KIAA0319: variants seen among roughly 807,000 people sequenced by gnomAD.
The protein encoded by KIAA0319 is dyslexia-associated protein KIAA0319.
In KIAA0319, 83 loss-of-function variants were observed where a neutral mutation model predicts 108.4. The observed-to-expected ratio is 0.77, with a 90% CI of 0.64 to 0.92. The LOEUF is 0.92. Among genes scored for constraint, KIAA0319 ranks in the 40% least tolerant of loss-of-function variants. KIAA0319 has a pLI of 0.00. For missense variants in KIAA0319, 1,195 were observed against 1,322.4 expected (o/e 0.90, Z 1.49); for synonymous variants, 484 against 510.4 (o/e 0.95, Z 0.70).
intron 1 of KIAA0319, among the ~76,000 whole-genome samples, chr6:24,602,289 C>A (rs1006390279): frequency 1.3e-5 from 2 of 152,286 alleles, no homozygotes; most frequent in Admixed American, 1.3e-4. Context: ...CGATTACAGG[C>A]GTGAGCCATC....
Position 24,599,251 on chromosome 6 carries a change from T to C in KIAA0319, c.55+1798A>G. 2.0e-6 allele frequency: 1 copy of C among 497,718 alleles called. No homozygotes were observed. The highest frequency in any genetic ancestry group is 3.0e-5 in the Admixed American group (1 of 33,116). The allele number at this position is 497,718 out of a possible 1,614,324, so 30.8% of individuals were successfully genotyped here. On this transcript the variant is annotated intron_variant, in intron 2 of 20. Coordinates refer to ENST00000378214, the MANE Select transcript of KIAA0319 (RefSeq NM_014809.4). This position sits in a 1 kb window ranked among gnomAD's most constrained non-coding sequence, Gnocchi z 4.1. ...CTGGCTGGGAAGCACAGGGATGACC[T>C]GTGTTATACAAAGATGGAGATCTCT...
At position 24,595,925 on chromosome 6, in the gene KIAA0319, T is replaced by C; in HGVS notation, c.749A>G (p.Lys250Arg). The C allele has an allele frequency of 4.3e-6, 7 of 1,613,400 alleles. No homozygotes were observed. Among genetic ancestry groups the C allele is most frequent in the Non-Finnish European group, 5.9e-6 (7 of 1,179,674 alleles). The change falls in exon 3 of 21, where the codon AAA (lysine) becomes AGA (arginine). Residue 250 changes from lysine to arginine, a missense_variant. Physicochemically the swap from Lys to Arg is conservative, Grantham distance 26 (BLOSUM62 2). Transcript: ENST00000378214. ...TTPSSGEVLE[K>R]EKASQLQEQS... Reference sequence around the variant, plus strand: ...TTCCTGGAGCTGAGAAGCCTTTTCTTTCTCCAACACCTCTCCTGAAGATGG... The same window carrying C: ...TTCCTGGAGCTGAGAAGCCTTTTCTCTCTCCAACACCTCTCCTGAAGATGG...
At chr6:24,549,934 G>T (rs1761222869) in intron 20 of KIAA0319, among the ~76,000 whole-genome samples, 1 of 152,080 alleles carries the variant, frequency 6.6e-6, no homozygotes, top group Non-Finnish European at 1.5e-5. Flanking sequence ...GAGAATGGGG[G>T]TTCTATGAAT....
In KIAA0319 at chr6:24,559,789, T is replaced by A. The variant is rs182177834; in HGVS notation, c.2592-634A>T. 3.9e-5 allele frequency among the ~76,000 whole-genome samples: 6 copies of A among 152,330 alleles called. No individual in the cohort carries two copies. The East Asian group carries it at 1.2e-3, about 29-fold the overall frequency. On this transcript the variant is annotated intron_variant, in intron 16 of 20. Coordinates refer to ENST00000378214, the MANE Select transcript of KIAA0319 (RefSeq NM_014809.4). ...AATGGCTTTTAGTATATTCACAAAGTTGCACAACCATCACCACTATCAAAT... is the reference window on the plus strand; with the variant it reads ...AATGGCTTTTAGTATATTCACAAAGATGCACAACCATCACCACTATCAAAT...
downstream of KIAA0319, among the ~76,000 whole-genome samples, chr6:24,540,363 A>G (rs1760156881): frequency 1.3e-5 from 2 of 152,214 alleles, no homozygotes; most frequent in Non-Finnish European, 2.9e-5. Flanking sequence ...TCACTAGGTG[A>G]CAGGAACTTT....
At chr6:24,563,054 T>C (rs1325706873) in intron 16 of KIAA0319, among the ~76,000 whole-genome samples, 2 of 152,128 alleles carry the variant, frequency 1.3e-5, no homozygotes, top group East Asian at 3.9e-4. Context: ...CCTCTTCACA[T>C]GCTCCAGACC....
At chr6:24,567,044 A>C (rs892223609) in intron 13 of KIAA0319, among the ~76,000 whole-genome samples, 5 of 152,124 alleles carry the variant, frequency 3.3e-5, no homozygotes, top group African/African-American at 4.8e-5. Context: ...AAATAGAAAC[A>C]ATGATTTTAC....
rs917751720 is a variant in KIAA0319 at position 24,580,916 on chromosome 6, A to C, written c.1279+10T>G. 2.3e-5 allele frequency: 36 copies of C among 1,587,230 alleles called. No individual in the cohort carries two copies. The highest frequency in any genetic ancestry group is 3.1e-5 in the Non-Finnish European group (36 of 1,156,650). On this transcript the variant is annotated intron_variant, in intron 7 of 20. Coordinates refer to ENST00000378214, the MANE Select transcript of KIAA0319 (RefSeq NM_014809.4). ...GTACAACAGGAGGTCATTCTCTTAC[A>C]CCGGCTTACCAGGCTTAACAGTGAC...
At chr6:24,586,224 T>C (rs1767465915) in intron 4 of KIAA0319, among the ~76,000 whole-genome samples, 2 of 152,228 alleles carry the variant, frequency 1.3e-5, no homozygotes, top group Non-Finnish European at 2.9e-5. Flanking sequence ...CTGTCTCAGA[T>C]ACTTTTGGTT....
downstream of KIAA0319, among the ~76,000 whole-genome samples, chr6:24,541,255 T>TAG (rs1301576904): frequency 6.6e-6 from 1 of 152,200 alleles, no homozygotes; most frequent in Non-Finnish European, 1.5e-5. Flanking sequence ...TCTTGGCTTG[T>TAG]AGATGGCCGC....
At chr6:24,629,795 C>T (rs1775277966) in intron 1 of KIAA0319, among the ~76,000 whole-genome samples, 1 of 152,016 alleles carries the variant, frequency 6.6e-6, no homozygotes, top group African/African-American at 2.4e-5. Context: ...AGAGGTACAC[C>T]CCAGGAGAAA....
intron 13 of KIAA0319, 120 bp downstream of exon 13, chr6:24,568,661 G>A (rs538246807): frequency 3.0e-5 from 30 of 1,009,688 alleles, no homozygotes; most frequent in African/African-American, 2.6e-4. Context: ...GGCAGGGTTC[G>A]GCATCTGCTG....
chr6:24,580,228 T>C (rs138658897), intron 7 of KIAA0319, among the ~76,000 whole-genome samples: 1 of 152,264 alleles, frequency 6.6e-6, no homozygotes, highest in East Asian at 1.9e-4. Context: ...GAGCAGTAAT[T>C]ACAGAGCAGG....
chr6:24,557,452 G>A (rs1237306576), intron 17 of KIAA0319, among the ~76,000 whole-genome samples: 3 of 152,116 alleles, frequency 2.0e-5, no homozygotes, highest in Non-Finnish European at 2.9e-5. Context: ...GCAGTGAGCC[G>A]AGATCACACC....
At chr6:24,562,437 G>C (rs1315531747) in intron 16 of KIAA0319, among the ~76,000 whole-genome samples, 1 of 152,190 alleles carries the variant, frequency 6.6e-6, no homozygotes, top group Non-Finnish European at 1.5e-5. Context: ...AACCAAAGTG[G>C]AAGAGCTGAC....
chr6:24,547,730 A>G (rs1437372743), intron 20 of KIAA0319, among the ~76,000 whole-genome samples: 1 of 152,248 alleles, frequency 6.6e-6, no homozygotes, highest in Non-Finnish European at 1.5e-5. Context: ...AGCATCCAAC[A>G]AACGAAAGCT....
At chr6:24,640,247 T>C (rs1175101846) in intron 1 of KIAA0319, among the ~76,000 whole-genome samples, 1 of 152,190 alleles carries the variant, frequency 6.6e-6, no homozygotes, top group East Asian at 1.9e-4. Context: ...ATAAGTGATG[T>C]TAAAAGGCAT....
chr6:24,541,662 G>C (rs992228642), downstream of KIAA0319, among the ~76,000 whole-genome samples: 1 of 151,008 alleles, frequency 6.6e-6, no homozygotes, highest in African/African-American at 2.5e-5. Context: ...GCCCGTCATG[G>C]TGGTGGGCGC....
At chr6:24,560,909 G>A (rs1440440774) in intron 16 of KIAA0319, among the ~76,000 whole-genome samples, 2 of 152,246 alleles carry the variant, frequency 1.3e-5, no homozygotes, top group Non-Finnish European at 2.9e-5. Flanking sequence ...GTGGGGGGCA[G>A]GGGGTGGATA....
Sources: gnomAD v4.1 joint callset for allele counts (sites outside exome capture counted in the v4.1 genomes callset) on GRCh38, gnomAD v4.1.1 for gene constraint, Gnocchi (gnomAD v3.1) non-coding constraint, MANE v1.5 for transcripts, NCBI Gene and HGNC (gene_info 2026-07-23, HGNC 2026-07-21) for gene names.